Variants in CCDC85A observed in about 807,000 individuals in gnomAD.
CCDC85A encodes coiled-coil domain-containing protein 85A.
A neutral mutation model predicts 50.2 loss-of-function variants in CCDC85A; 38 were observed. That is an observed-to-expected ratio of 0.76 (90% CI 0.58 to 0.99). CCDC85A has a LOEUF of 0.99. CCDC85A is among the 50% of genes least tolerant of loss of function. The pLI is 0.00. For synonymous variants in CCDC85A, 366 were observed against 301.4 expected (o/e 1.21, Z -2.22); for missense variants, 820 against 742.0 (o/e 1.11, Z -1.22).
At chr2:56,378,257 A>G (rs979285732) in intron 5 of CCDC85A, among the ~76,000 whole-genome samples, 4 of 152,132 alleles carry the variant, frequency 2.6e-5, no homozygotes, top group Admixed American at 6.6e-5. Flanking sequence ...TCACTTTCTG[A>G]TAGATTTTAT....
chr2:56,241,898 C>T (rs569872067), intron 2 of CCDC85A, among the ~76,000 whole-genome samples: 3 of 152,246 alleles, frequency 2.0e-5, no homozygotes, highest in Non-Finnish European at 4.4e-5. Flanking sequence ...TTTTGAGGAA[C>T]CTCCAAATTG....
chr2:56,358,425 C>T (rs1044615670), intron 3 of CCDC85A, among the ~76,000 whole-genome samples: 2 of 152,240 alleles, frequency 1.3e-5, no homozygotes, highest in Non-Finnish European at 2.9e-5. Flanking sequence ...TCCGTTTAAG[C>T]ACCTAGCCTC....
intron 2 of CCDC85A, among the ~76,000 whole-genome samples, chr2:56,256,604 G>A (rs1669994367): frequency 1.3e-5 from 2 of 152,150 alleles, no homozygotes; most frequent in African/African-American, 2.4e-5. Context: ...TTCTTTGTTC[G>A]CTGTAAAAAT....
At chr2:56,240,355 G>T (rs969126462) in intron 2 of CCDC85A, among the ~76,000 whole-genome samples, 2 of 152,064 alleles carry the variant, frequency 1.3e-5, no homozygotes, top group Non-Finnish European at 2.9e-5. Context: ...ACCTCTAGAG[G>T]GTATTTAAAC....
intron 2 of CCDC85A, 133 bp from the exon 3 acceptor site, chr2:56,342,746 A>AT (rs149233568): frequency 0.19 from 94,863 of 491,014 alleles, 9,051 homozygotes; most frequent in African/African-American, 0.31. Context: ...TCTGGGAGAT[A>AT]TTTTTTTTTC....
At chr2:56,328,034 C>T (rs528307412) in intron 2 of CCDC85A, among the ~76,000 whole-genome samples, 4 of 152,042 alleles carry the variant, frequency 2.6e-5, no homozygotes, top group Non-Finnish European at 4.4e-5. Context: ...GGTTAAAACA[C>T]TGGCTAAAAG....
intron 5 of CCDC85A, 61 bp from the exon 6 acceptor site, chr2:56,384,205 A>T: frequency 2.7e-6 from 4 of 1,467,396 alleles, no homozygotes; most frequent in Non-Finnish European, 3.8e-6. Context: ...CCCTTAAGAA[A>T]TGCAAATCTC....
At chr2:56,367,859 C>T (rs1287635875) in intron 3 of CCDC85A, among the ~76,000 whole-genome samples, 4 of 152,134 alleles carry the variant, frequency 2.6e-5, no homozygotes, top group Non-Finnish European at 2.9e-5. Flanking sequence ...GTTTTAAAAG[C>T]TCTTTCCATG....
intron 2 of CCDC85A, among the ~76,000 whole-genome samples, chr2:56,321,760 A>C (rs12384411): frequency 6.6e-6 from 1 of 152,176 alleles, no homozygotes; most frequent in South Asian, 2.1e-4. Flanking sequence ...TCATGCTACC[A>C]ATGACTTTCT....
chr2:56,383,903 G>T (rs1676707397), intron 5 of CCDC85A: 1 of 275,950 alleles, frequency 3.6e-6, no homozygotes, highest in African/African-American at 2.3e-5. Flanking sequence ...AGTTGTCCAT[G>T]CCTCACTTCT....
chr2:56,258,910 G>A (rs547952403), intron 2 of CCDC85A, among the ~76,000 whole-genome samples: 5 of 152,198 alleles, frequency 3.3e-5, no homozygotes, highest in African/African-American at 1.2e-4. Flanking sequence ...TCTGCTGAGA[G>A]TGAGTAGGTG....
At chr2:56,252,727 A>C (rs1465172728) in intron 2 of CCDC85A, among the ~76,000 whole-genome samples, 1 of 151,978 alleles carries the variant, frequency 6.6e-6, no homozygotes, top group African/African-American at 2.4e-5. Flanking sequence ...CCAGTGTGTG[A>C]TGTTCCCCTC....
chr2:56,269,897 G>T (rs1670624573), intron 2 of CCDC85A, among the ~76,000 whole-genome samples: 1 of 152,126 alleles, frequency 6.6e-6, no homozygotes. Context: ...AGCTTTGCTG[G>T]TGAGTTTTAT....
At chr2:56,336,339 A>G (rs1674073828) in intron 2 of CCDC85A, among the ~76,000 whole-genome samples, 1 of 151,986 alleles carries the variant, frequency 6.6e-6, no homozygotes, top group South Asian at 2.1e-4. Flanking sequence ...TTTTTAGTAG[A>G]TACGGGGTTT....
chr2:56,333,949 C>T (rs1673949581), intron 2 of CCDC85A, among the ~76,000 whole-genome samples: 1 of 152,178 alleles, frequency 6.6e-6, no homozygotes, highest in South Asian at 2.1e-4. Flanking sequence ...TGACTAGATT[C>T]CAGAATATGG....
intron 2 of CCDC85A, among the ~76,000 whole-genome samples, chr2:56,317,314 A>G (rs546318148): frequency 1.3e-5 from 2 of 152,196 alleles, no homozygotes; most frequent in East Asian, 3.9e-4. Context: ...TTAATTGGAG[A>G]TTTACTTTCC....
At chr2:56,277,994 G>C (rs1029746611) in intron 2 of CCDC85A, among the ~76,000 whole-genome samples, 6 of 152,220 alleles carry the variant, frequency 3.9e-5, no homozygotes, top group African/African-American at 1.4e-4. Context: ...GATTAGGTGA[G>C]CATGTGTGAA....
At chr2:56,356,878 G>C (rs921500440) in intron 3 of CCDC85A, among the ~76,000 whole-genome samples, 3 of 151,748 alleles carry the variant, frequency 2.0e-5, no homozygotes. Flanking sequence ...GACCATCCTG[G>C]CTAACATGGT....
At chr2:56,367,683 T>C (rs1056400307) in intron 3 of CCDC85A, among the ~76,000 whole-genome samples, 4 of 152,182 alleles carry the variant, frequency 2.6e-5, no homozygotes, top group Admixed American at 2.0e-4. Context: ...GCCAAATGTT[T>C]TCTCTTGGGG....
Sources: allele counts gnomAD v4.1 joint callset (sites outside exome capture counted in the v4.1 genomes callset), GRCh38; gene constraint gnomAD v4.1.1; transcripts MANE v1.5; gene names NCBI Gene and HGNC (gene_info 2026-07-23, HGNC 2026-07-21).